The following CFAP97 variants were observed in gnomAD, a reference collection of about 807,000 sequenced individuals.
The protein encoded by CFAP97 is cilia and flagella associated protein 97, also known as cilia- and flagella-associated protein 97.
A neutral mutation model predicts 43.1 loss-of-function variants in CFAP97; 36 were observed. The observed-to-expected ratio is 0.84, with a 90% CI of 0.64 to 1.10. CFAP97 has a LOEUF of 1.10. CFAP97 is among the 50% of genes least tolerant of loss of function. The probability of loss-of-function intolerance (pLI) is 0.00; values close to 1 mark genes in which losing one functional copy is unlikely to be tolerated. For synonymous variants in CFAP97, 228 were observed against 225.7 expected, an observed-to-expected ratio of 1.01 and a Z score of -0.09; for missense variants, 657 against 620.3, an observed-to-expected ratio of 1.06 and a Z score of -0.63.
intron 3 of CFAP97, among the ~76,000 whole-genome samples, chr4:185,165,412 A>C (rs7697317): frequency 0.54 from 82,545 of 151,910 alleles, 22,999 homozygotes; most frequent in African/African-American, 0.69. Flanking sequence ...GCAGAATGTT[A>C]TAAATTTTGT....
intron 3 of CFAP97, among the ~76,000 whole-genome samples, 169 bp downstream of exon 3, chr4:185,175,617 T>C (rs1735483790): frequency 6.6e-6 from 1 of 152,140 alleles, no homozygotes; most frequent in South Asian, 2.1e-4. Context: ...AAAATACATA[T>C]CGTATCCTCC....
chr4:185,170,389 G>T (rs982997388), intron 3 of CFAP97: 6 of 440,784 alleles, frequency 1.4e-5, no homozygotes, highest in African/African-American at 1.2e-4. Context: ...AGCAGACAAA[G>T]CACAGAAGAG....
intron 3 of CFAP97, chr4:185,170,341 C>A: frequency 1.8e-6 from 1 of 560,868 alleles, no homozygotes; most frequent in South Asian, 2.3e-5. Flanking sequence ...GCGAGATAGT[C>A]TAAATAAATA....
intron 3 of CFAP97, among the ~76,000 whole-genome samples, chr4:185,171,051 A>C (rs1010783613): frequency 6.9e-6 from 1 of 145,654 alleles, no homozygotes; most frequent in Non-Finnish European, 1.5e-5. Flanking sequence ...CATGCCTTTT[A>C]TTTTTAAAAC....
At chr4:185,195,820 C>T (rs1399172496) in intron 1 of CFAP97, among the ~76,000 whole-genome samples, 1 of 152,124 alleles carries the variant, frequency 6.6e-6, no homozygotes, top group Non-Finnish European at 1.5e-5. Flanking sequence ...GGTCTTATAA[C>T]ACTGTCATTA....
intron 3 of CFAP97, chr4:185,170,303 G>A (rs902077481): frequency 1.3e-5 from 8 of 639,770 alleles, no homozygotes; most frequent in South Asian, 3.5e-5. Flanking sequence ...CCAAGATCAC[G>A]TCACTGCACT....
intron 4 of CFAP97, 54 bp downstream of exon 4, chr4:185,163,975 T>TA (rs1452896339): frequency 9.9e-6 from 15 of 1,519,458 alleles, no homozygotes; most frequent in Non-Finnish European, 1.3e-5. Flanking sequence ...TACGTTTTTT[T>TA]AAAAAAAGGA....
chr4:185,167,998 C>CACA (rs1440134318), intron 3 of CFAP97, among the ~76,000 whole-genome samples: 4 of 54,722 alleles, frequency 7.3e-5, no homozygotes, highest in African/African-American at 2.1e-4. Flanking sequence ...GACTCCTTCT[C>CACA]AAAAAAAAAA....
At chr4:185,178,218 AT>A (rs1419915458) in intron 2 of CFAP97, among the ~76,000 whole-genome samples, 1 of 133,800 alleles carries the variant, frequency 7.5e-6, no homozygotes, top group East Asian at 2.1e-4. Flanking sequence ...ATAGTAAGCT[AT>A]TTTCCCCTAA....
intron 1 of CFAP97, among the ~76,000 whole-genome samples, chr4:185,198,223 A>G (rs1446767916): frequency 6.6e-6 from 1 of 152,084 alleles, no homozygotes; most frequent in Non-Finnish European, 1.5e-5. Flanking sequence ...TGGGCAGATC[A>G]CTTGAAGTCA....
upstream of CFAP97, among the ~76,000 whole-genome samples, chr4:185,207,279 C>G (rs532356203): frequency 4.5e-4 from 57 of 126,354 alleles, no homozygotes; most frequent in African/African-American, 1.7e-3. Flanking sequence ...TGCAGTGGTG[C>G]GATCTCGGCT....
chr4:185,209,613 G>C (rs865850561), upstream of CFAP97: 8 of 447,918 alleles, frequency 1.8e-5, no homozygotes, highest in African/African-American at 1.7e-4. The surrounding 1 kb of genome is among the most constrained non-coding windows in gnomAD (Gnocchi z 5.2). Context: ...CAACACGGTG[G>C]GGCTCCCTGG....
chr4:185,180,968 C>T (rs1264719000), intron 2 of CFAP97, among the ~76,000 whole-genome samples: 1 of 152,002 alleles, frequency 6.6e-6, no homozygotes, highest in Non-Finnish European at 1.5e-5. Flanking sequence ...GATATTAATT[C>T]CTCTAAAAAT....
chr4:185,209,794 G>A, upstream of CFAP97: 1 of 983,786 alleles, frequency 1.0e-6, no homozygotes, highest in Non-Finnish European at 1.2e-6. This position sits in a 1 kb window ranked among gnomAD's most constrained non-coding sequence, Gnocchi z 5.2. Flanking sequence ...GGGGGCAGGA[G>A]ATGTGCCTGT....
intron 3 of CFAP97, chr4:185,169,794 G>A (rs1424111317): frequency 5.5e-5 from 54 of 985,330 alleles, no homozygotes; most frequent in South Asian, 4.7e-4. Flanking sequence ...GAATCAAGAC[G>A]ACTGCTCTCT....
chr4:185,180,426 T>C (rs974280983), intron 2 of CFAP97, among the ~76,000 whole-genome samples: 7 of 152,162 alleles, frequency 4.6e-5, no homozygotes, highest in Non-Finnish European at 1.0e-4. Context: ...TGACTCCCCA[T>C]TGCTCCCTTC....
chr4:185,195,756 C>T (rs1736509419), intron 1 of CFAP97, among the ~76,000 whole-genome samples: 1 of 152,130 alleles, frequency 6.6e-6, no homozygotes, highest in Non-Finnish European at 1.5e-5. Flanking sequence ...TCTAATTTTG[C>T]CCACTTGAAT....
chr4:185,180,236 G>A (rs1425488055), intron 2 of CFAP97, among the ~76,000 whole-genome samples: 1 of 152,064 alleles, frequency 6.6e-6, no homozygotes, highest in Non-Finnish European at 1.5e-5. Flanking sequence ...CTATCAGACA[G>A]GGCTAGTGTT....
chr4:185,189,328 G>A (rs1026587252), intron 2 of CFAP97, among the ~76,000 whole-genome samples: 1 of 152,120 alleles, frequency 6.6e-6, no homozygotes, highest in African/African-American at 2.4e-5. Context: ...TACTAACAAG[G>A]TGTTTATGCC....
Sources: gnomAD v4.1 joint callset for allele counts (sites outside exome capture counted in the v4.1 genomes callset) on GRCh38, gnomAD v4.1.1 for gene constraint, Gnocchi (gnomAD v3.1) non-coding constraint, MANE v1.5 for transcripts, NCBI Gene and HGNC (gene_info 2026-07-23, HGNC 2026-07-21) for gene names.